DDI2: variants seen among roughly 807,000 people sequenced by gnomAD.
DDI2 encodes protein DDI1 homolog 2.
Under a neutral mutation model 48.1 loss-of-function variants are expected in DDI2, and 5 were observed. That is an observed-to-expected ratio of 0.10 (90% CI 0.05 to 0.22). DDI2 has a LOEUF of 0.22. DDI2 is among the 10% of genes least tolerant of loss of function. DDI2 has a pLI of 1.00. For missense variants in DDI2, 285 were observed against 506.2 expected (o/e 0.56, Z 4.19); for synonymous variants, 205 against 183.6 (o/e 1.12, Z -0.94).
At chr1:15,645,712 T>A (rs902973683) in intron 6 of DDI2, among the ~76,000 whole-genome samples, 7 of 151,968 alleles carry the variant, frequency 4.6e-5, no homozygotes, top group African/African-American at 1.7e-4. Flanking sequence ...CTACAAAAAA[T>A]TTTTTTAAAT....
chr1:15,658,607 G>A (rs932116057), intron 9 of DDI2, among the ~76,000 whole-genome samples: 1 of 151,812 alleles, frequency 6.6e-6, no homozygotes. Flanking sequence ...TACTAAAAAT[G>A]CAAAATTAGT....
At chr1:15,639,468 T>C (rs1450409665) in intron 5 of DDI2, among the ~76,000 whole-genome samples, 4 of 151,984 alleles carry the variant, frequency 2.6e-5, no homozygotes, top group Non-Finnish European at 5.9e-5. Flanking sequence ...GGGTTTCAGC[T>C]CTCTCTCTCT....
At chr1:15,659,753 T>A (rs1281069465) in intron 9 of DDI2, 84 bp from the exon 10 acceptor site, 1 of 1,370,448 alleles carries the variant, frequency 7.3e-7, no homozygotes, top group African/African-American at 1.4e-5. Flanking sequence ...TATTCTACGC[T>A]GTTTAGATTT....
intron 1 of DDI2, among the ~76,000 whole-genome samples, chr1:15,620,893 C>T (rs938489393): frequency 2.6e-5 from 4 of 152,152 alleles, no homozygotes; most frequent in South Asian, 4.1e-4. Context: ...CTTCCTCCAC[C>T]GTTAAAGAAT....
At chr1:15,653,267 T>A (rs1276140092) in intron 8 of DDI2, among the ~76,000 whole-genome samples, 10 of 141,956 alleles carry the variant, frequency 7.0e-5, no homozygotes, top group African/African-American at 2.6e-4. Context: ...TATTTTATTT[T>A]ATTTATTTTA....
At chr1:15,641,747 G>A (rs184989252) in intron 5 of DDI2, among the ~76,000 whole-genome samples, 25 of 152,004 alleles carry the variant, frequency 1.6e-4, no homozygotes, top group African/African-American at 5.8e-4. Context: ...CTGAGGTCAG[G>A]AGTTCAAGAC....
chr1:15,642,665 T>G (rs971312295), intron 5 of DDI2, among the ~76,000 whole-genome samples: 4 of 152,336 alleles, frequency 2.6e-5, no homozygotes, highest in African/African-American at 4.8e-5. Context: ...GGCTCACACC[T>G]GTAATCCCAA....
intron 4 of DDI2, among the ~76,000 whole-genome samples, chr1:15,635,748 ACT>A (rs1438437801): frequency 6.6e-6 from 1 of 151,934 alleles, no homozygotes; most frequent in Non-Finnish European, 1.5e-5. Flanking sequence ...CTCTGAAGAG[ACT>A]CTCTACATAT....
Position 15,666,038 on chromosome 1 carries a change from A to T in DDI2, c.*6248A>T, listed in dbSNP as rs1269022654. ...CAAGAGTTTCCCTTCCTAGAAGATG[A>T]ATGTTACCTTTTGTGTTAGGAGGTA... On this transcript the variant is annotated 3_prime_UTR_variant, in exon 10 of 10. Coordinates refer to ENST00000480945, the MANE Select transcript of DDI2 (RefSeq NM_032341.5). 2.6e-5 allele frequency: 4 copies of T among 152,174 alleles called. No homozygotes were observed. The highest frequency in any genetic ancestry group is 4.8e-5 in the African/African-American group (2 of 41,452). 9.4% of individuals were successfully genotyped at this position (152,174 alleles called of 1,614,324 possible). A position where few individuals can be genotyped will look rare whatever the true frequency, so the allele number is the denominator to read the frequency against.
chr1:15,620,717 C>A (rs1002142506), intron 1 of DDI2, among the ~76,000 whole-genome samples: 1 of 151,976 alleles, frequency 6.6e-6, no homozygotes, highest in Non-Finnish European at 1.5e-5. Flanking sequence ...TGAACTGATA[C>A]GTTGTATACA....
intron 5 of DDI2, among the ~76,000 whole-genome samples, chr1:15,641,781 C>T (rs1219226449): frequency 6.6e-6 from 1 of 151,760 alleles, no homozygotes; most frequent in Non-Finnish European, 1.5e-5. Flanking sequence ...ATGCTGAAGC[C>T]CCATCTCTAC....
At position 15,667,108 on chromosome 1, in the gene DDI2, G is replaced by A. The variant is rs10927823; in HGVS notation, c.*7318G>A. The A allele has an allele frequency of 0.28, 42,880 of 151,870 alleles. 7,171 individuals carry two copies. The highest frequency in any genetic ancestry group is 0.59 in the East Asian group (3,051 of 5,134). The allele number at this position is 151,870 out of a possible 1,614,324, so 9.4% of individuals were successfully genotyped here. On this transcript the variant is annotated 3_prime_UTR_variant, in exon 10 of 10. Transcript: ENST00000480945. Reference sequence around the variant, plus strand: ...TGTAGTCCCAGCTACTCGGGAAACTGAGGCAGAAGAATCGCTTGAACCCGG... The same window carrying A: ...TGTAGTCCCAGCTACTCGGGAAACTAAGGCAGAAGAATCGCTTGAACCCGG...
At chr1:15,618,826 G>A (rs1053349367) in intron 1 of DDI2, among the ~76,000 whole-genome samples, 1 of 152,182 alleles carries the variant, frequency 6.6e-6, no homozygotes, top group African/African-American at 2.4e-5. Context: ...GGTCTCCCAA[G>A]TCTCCATCAA....
Position 15,661,656 on chromosome 1 carries a change from A to G in DDI2, c.*1866A>G, listed in dbSNP as rs374148129. 5 of 1,614,126 alleles carry G rather than the reference A, an allele frequency of 3.1e-6. No homozygotes were observed. The highest frequency in any genetic ancestry group is 1.7e-5 in the Admixed American group (1 of 60,010). ...AGGAAGCTCTTGGAGCTTTGCATCG[A>G]GTTGGTGGGAATGCAGACCTTGCAC... On this transcript the variant is annotated 3_prime_UTR_variant, in exon 10 of 10. Transcript: ENST00000480945.
intron 8 of DDI2, among the ~76,000 whole-genome samples, chr1:15,653,322 C>T (rs944139283): frequency 1.1e-4 from 16 of 151,660 alleles, no homozygotes; most frequent in African/African-American, 3.6e-4. Flanking sequence ...GCTGCCCATG[C>T]TGGAGTGCAG....
intron 2 of DDI2, among the ~76,000 whole-genome samples, chr1:15,628,732 G>T (rs7545782): frequency 1.4e-5 from 2 of 140,708 alleles, no homozygotes; most frequent in Admixed American, 1.5e-4. Flanking sequence ...TATTGAGATA[G>T]AATTCATGCA....
Position 15,617,568 on chromosome 1 carries a change from C to A in DDI2, c.-103C>A. 2.0e-6 allele frequency: 2 copies of A among 1,001,644 alleles called. No homozygotes were observed. The highest frequency in any genetic ancestry group is 2.6e-6 in the Non-Finnish European group (2 of 776,502). 62.0% of individuals were successfully genotyped at this position (1,001,644 alleles called of 1,614,324 possible). A position where few individuals can be genotyped will look rare whatever the true frequency, so the allele number is the denominator to read the frequency against. On this transcript the variant is annotated 5_prime_UTR_variant, in exon 1 of 10. Transcript: ENST00000480945. ...AGCGAGCGAGCGAACGAGCAGCCGG[C>A]GCCGTCCTCCCGCAGCACCAGCCAG...
In DDI2 at chr1:15,665,869, A is replaced by G. The variant is rs1640444648; in HGVS notation, c.*6079A>G. The G allele has an allele frequency of 6.6e-6, 1 of 152,100 alleles. No individual in the cohort carries two copies. Among genetic ancestry groups the G allele is most frequent in the Admixed American group, 6.6e-5 (1 of 15,246 alleles). 9.4% of individuals were successfully genotyped at this position (152,100 alleles called of 1,614,324 possible). ...TGCTGCATATTTCAAACCTGTTATCACTGGCAGTGTGTCCCAAGAGAAGCT... is the reference window on the plus strand; with the variant it reads ...TGCTGCATATTTCAAACCTGTTATCGCTGGCAGTGTGTCCCAAGAGAAGCT... On this transcript the variant is annotated 3_prime_UTR_variant, in exon 10 of 10. Coordinates refer to ENST00000480945, the MANE Select transcript of DDI2 (RefSeq NM_032341.5).
At chr1:15,622,593 T>G (rs1338056321) in intron 1 of DDI2, among the ~76,000 whole-genome samples, 1 of 152,146 alleles carries the variant, frequency 6.6e-6, no homozygotes, top group Admixed American at 6.6e-5. Flanking sequence ...CTGGCAAAAC[T>G]TGAATTTTGG....
Sources: allele counts gnomAD v4.1 joint callset (sites outside exome capture counted in the v4.1 genomes callset), GRCh38; gene constraint gnomAD v4.1.1; transcripts MANE v1.5; gene names NCBI Gene and HGNC (gene_info 2026-07-23, HGNC 2026-07-21).